The following SHOX variants were observed in gnomAD, a reference collection of about 807,000 sequenced individuals.
The protein encoded by SHOX is SHOX homeobox, also known as short stature homeobox protein.
A neutral mutation model predicts 29.6 loss-of-function variants in SHOX; 12 were observed. That is an observed-to-expected ratio of 0.41 (90% CI 0.26 to 0.66). The LOEUF is 0.66. Ranked by LOEUF, SHOX falls within the 30% of genes least tolerant of loss-of-function variation. SHOX has a pLI of 0.35. For missense variants in SHOX, 499 were observed against 437.7 expected (o/e 1.14, Z -1.25); for synonymous variants, 214 against 200.6 (o/e 1.07, Z -0.57).
At chrX:634,865 T>C in intron 2 of SHOX, 39 bp downstream of exon 2, 1 of 1,540,516 alleles carries the variant, frequency 6.5e-7, no homozygotes. Context: ...CCCGGAGCCA[T>C]CGCCTGGTCC....
At chrX:638,876 G>C (rs1246528338) in intron 2 of SHOX, among the ~76,000 whole-genome samples, 1 of 152,198 alleles carries the variant, frequency 6.6e-6, no homozygotes, top group Non-Finnish European at 1.5e-5. Flanking sequence ...TTCTCTGGAC[G>C]AATCATTTCT....
Position 631,153 on chromosome X carries a change from G to T in SHOX, c.256G>T (p.Gly86Cys). Residue 86 changes from glycine (G) to cysteine (C), a missense_variant, in exon 1 of 5, where the codon GGC becomes TGC. Transcript: ENST00000686671. Reference sequence around the variant, plus strand: ...TGACAAGGAGAAACTGAAAGAATTCGGCACCGCGAGAGTGGCAGAAGGTAA... The same window carrying T: ...TGACAAGGAGAAACTGAAAGAATTCTGCACCGCGAGAGTGGCAGAAGGTAA... ...DNDKEKLKEF[G>C]TARVAEGIYE... 1.2e-6 allele frequency: 2 copies of T among 1,613,158 alleles called. No individual in the cohort carries two copies. The highest frequency in any genetic ancestry group is 1.7e-6 in the Non-Finnish European group (2 of 1,179,864).
chrX:624,894 CTTTCTTTCTCTCTTCCTTT>C (rs1569491683), intron 1 of SHOX, among the ~76,000 whole-genome samples: 11 of 73,592 alleles, frequency 1.5e-4, no homozygotes, highest in African/African-American at 6.5e-4. Flanking sequence ...TTCTTTCTTT[CTTTCTTTCTCTCTTCCTTT>C]CTTTCTTTCT....
chrX:652,501 G>A (rs1199743939), downstream of SHOX, among the ~76,000 whole-genome samples: 1 of 151,916 alleles, frequency 6.6e-6, no homozygotes, highest in Non-Finnish European at 1.5e-5. Context: ...GGTTCCCACC[G>A]CGGTTACAGG....
rs1344870775 is a variant in SHOX, at chrX:650,854, C to G, written c.*6218C>G. On this transcript the variant is annotated 3_prime_UTR_variant, in exon 5 of 5. Coordinates refer to ENST00000686671, the MANE Select transcript of SHOX (RefSeq NM_000451.4). ...AATTTATTAAAGAGAATTAGCTTAG[C>G]GAGTATATGCTGATATTCTTCGACA... Among the ~76,000 whole-genome samples, 2 of 141,424 alleles carry G rather than the reference C, an allele frequency of 1.4e-5. No homozygotes were observed. Among genetic ancestry groups the G allele is most frequent in the African/African-American group, 2.6e-5 (1 of 37,946 alleles). The allele number at this position is 141,424 out of a possible 152,430, so 92.8% of individuals were successfully genotyped here. A position where few individuals can be genotyped will look rare whatever the true frequency, so the allele number is the denominator to read the frequency against.
At chrX:635,589 C>T (rs912147550) in intron 2 of SHOX, among the ~76,000 whole-genome samples, 45 of 152,202 alleles carry the variant, frequency 3.0e-4, no homozygotes, top group Non-Finnish European at 4.9e-4. Flanking sequence ...GGCACGGGGG[C>T]TCCCCGAGGA....
At chrX:629,994 G>A (rs908556934), upstream of SHOX, among the ~76,000 whole-genome samples, 1 of 152,198 alleles carries the variant, frequency 6.6e-6, no homozygotes, top group Admixed American at 6.5e-5. Context: ...TAAGGGAGGA[G>A]GCCTCGCGCC....
At chrX:635,606 GA>G (rs1367033976) in intron 2 of SHOX, among the ~76,000 whole-genome samples, 1 of 152,230 alleles carries the variant, frequency 6.6e-6, no homozygotes, top group East Asian at 1.9e-4. Context: ...AGGAGCGCGC[GA>G]ATTCACGCTG....
Position 634,664 on chromosome X carries a change from C to A in SHOX, c.324C>A (p.Asp108Glu). 1 of 1,613,880 alleles carries A rather than the reference C, an allele frequency of 6.2e-7. No individual in the cohort carries two copies. The highest frequency in any genetic ancestry group is 8.5e-7 in the Non-Finnish European group (1 of 1,179,858). ...AGCGCGAGGACGTGAAGTCGGAGGA[C>A]GAGGACGGGCAGACCAAGCTGAAAC... ...KEKREDVKSE[D>E]EDGQTKLKQR... is the part of the protein sequence containing the mutation. Residue 108 changes from aspartate to glutamate, a missense_variant, in exon 2 of 5, where the codon GAC becomes GAA. Transcript: ENST00000686671.
chrX:634,362 C>T (rs755053734), intron 1 of SHOX, among the ~76,000 whole-genome samples: 1 of 152,262 alleles, frequency 6.6e-6, no homozygotes, highest in South Asian at 2.1e-4. Context: ...TAGGTTATGT[C>T]AACAGAGGTG....
rs1228650008 is a variant in SHOX, at chrX:658,534, G to A, written c.634-251G>A. Among the ~76,000 whole-genome samples the A allele has an allele frequency of 6.7e-5, 10 of 148,630 alleles. No homozygotes were observed. The South Asian group carries it at 1.1e-3, about 16-fold the overall frequency. ...CACCCAGGCTGGAGTGCAGTGGCAC[G>A]ATCTCCGCTCACTGCAAGCTCCTCT... On this transcript the variant is annotated intron_variant, in intron 5 of 5. Coordinates refer to the SHOX transcript ENST00000334060.
At chrX:642,183 G>T (rs1448542861) in intron 4 of SHOX, among the ~76,000 whole-genome samples, 1 of 152,168 alleles carries the variant, frequency 6.6e-6, no homozygotes, top group East Asian at 1.9e-4. Flanking sequence ...GGAGGAGAGA[G>T]CGCAGCGCCC....
At position 651,257 on chromosome X, in the gene SHOX, G is replaced by A. The variant is rs1433753346; in HGVS notation, c.*6621G>A. ...CCATTGACGACATAGCGGCCCCCGC[G>A]TCCGGGTTACAAATACATCTACAGA... is the stretch of plus-strand genomic sequence containing the variant. On this transcript the variant is annotated 3_prime_UTR_variant, in exon 5 of 5. Coordinates refer to ENST00000686671, the MANE Select transcript of SHOX (RefSeq NM_000451.4). The A allele has an allele frequency of 2.2e-6, 1 of 453,516 alleles. No individual in the cohort carries two copies. The highest frequency in any genetic ancestry group is 4.4e-6 in the Non-Finnish European group (1 of 225,654). 28.1% of individuals were successfully genotyped at this position (453,516 alleles called of 1,614,324 possible).
intron 1 of SHOX, among the ~76,000 whole-genome samples, chrX:625,107 C>CTTCT (rs1441668006): frequency 3.0e-5 from 4 of 132,516 alleles, no homozygotes; most frequent in African/African-American, 6.0e-5. Context: ...CCCTTTCTTT[C>CTTCT]TTCTTTCTTT....
Position 650,495 on chromosome X carries a change from G to GA in SHOX, c.*5860dup, listed in dbSNP as rs1197570655. 1.3e-5 allele frequency among the ~76,000 whole-genome samples: 2 copies of GA among 152,086 alleles called. No individual in the cohort carries two copies. The highest frequency in any genetic ancestry group is 4.8e-5 in the African/African-American group (2 of 41,406). On this transcript the variant is annotated 3_prime_UTR_variant, in exon 5 of 5. Coordinates refer to ENST00000686671, the MANE Select transcript of SHOX (RefSeq NM_000451.4). ...GGGCGTTTAACCGAAATGAAGCCGA[G>GA]ACGGGTTTCAGGTTTTGGTGCCAAG...
intron 2 of SHOX, 68 bp downstream of exon 2, chrX:634,894 C>A (rs1370479940): frequency 6.7e-7 from 1 of 1,483,436 alleles, no homozygotes; most frequent in Non-Finnish European, 9.1e-7. Flanking sequence ...GCACAGCACG[C>A]GTACAGCCAC....
chrX:657,686 C>A (rs1307865321), intron 5 of SHOX, among the ~76,000 whole-genome samples: 1 of 152,172 alleles, frequency 6.6e-6, no homozygotes, highest in Non-Finnish European at 1.5e-5. Context: ...CCCCAGGGAA[C>A]CGTAACCCGT....
At chrX:653,947 G>T (rs2053102723), downstream of SHOX, among the ~76,000 whole-genome samples, 1 of 151,998 alleles carries the variant, frequency 6.6e-6, no homozygotes, top group Non-Finnish European at 1.5e-5. Flanking sequence ...TTTAAACTTT[G>T]CAAGCATGCC....
intron 4 of SHOX, among the ~76,000 whole-genome samples, chrX:644,040 G>A (rs192953606): frequency 5.1e-4 from 77 of 151,798 alleles, no homozygotes; most frequent in African/African-American, 1.9e-3. Context: ...GAGGTTACGG[G>A]GGCTGGTTGG....
Sources: allele counts gnomAD v4.1 joint callset (sites outside exome capture counted in the v4.1 genomes callset), GRCh38; gene constraint gnomAD v4.1.1; transcripts MANE v1.5; gene names NCBI Gene and HGNC (gene_info 2026-07-23, HGNC 2026-07-21).